Variants in PRKN observed in about 807,000 individuals in gnomAD.
PRKN encodes parkin RBR E3 ubiquitin protein ligase.
PRKN carries 56 observed loss-of-function variants against 59.5 expected under a neutral mutation model. That is an observed-to-expected ratio of 0.94 (90% CI 0.76 to 1.18). The LOEUF is 1.18. PRKN is among the 50% of genes most tolerant of loss of function. The pLI, the probability that PRKN is intolerant of heterozygous loss-of-function variation, is 0.00. For synonymous variants in PRKN, 250 were observed against 222.1 expected (o/e 1.13, Z -1.12); for missense variants, 657 against 596.4 (o/e 1.10, Z -1.06).
In PRKN at chr6:161,475,822, T is replaced by C. The variant is rs1296184972; in HGVS notation, c.1083+73032A>G. Among the ~76,000 whole-genome samples the C allele has an allele frequency of 6.6e-6, 1 of 152,164 alleles. No individual in the cohort carries two copies. Among genetic ancestry groups the C allele is most frequent in the Non-Finnish European group, 1.5e-5 (1 of 68,028 alleles). ...ATAAAGAAACACATATTAAAAACCATGAATTTCTTTTTATTACTCTGATAA... is the reference window on the plus strand; with the variant it reads ...ATAAAGAAACACATATTAAAAACCACGAATTTCTTTTTATTACTCTGATAA... On this transcript the variant is annotated intron_variant, in intron 9 of 11. Coordinates refer to ENST00000366898, the MANE Select transcript of PRKN (RefSeq NM_004562.3). This position sits in a 1 kb window ranked among gnomAD's most constrained non-coding sequence, Gnocchi z 5.3.
chr6:161,531,274 G>A (rs1033148726), intron 9 of PRKN, among the ~76,000 whole-genome samples: 13 of 151,828 alleles, frequency 8.6e-5, no homozygotes, highest in Non-Finnish European at 1.8e-4. Context: ...CCAGCTACTC[G>A]GGAGGCTGAG....
At chr6:161,948,126 C>T (rs935446297) in intron 6 of PRKN, among the ~76,000 whole-genome samples, 1 of 152,146 alleles carries the variant, frequency 6.6e-6, no homozygotes, top group African/African-American at 2.4e-5. Flanking sequence ...GCTGGGATTA[C>T]AGGCACGTGC....
chr6:162,441,198 A>C (rs1035798782), intron 2 of PRKN, among the ~76,000 whole-genome samples: 1 of 151,786 alleles, frequency 6.6e-6, no homozygotes, highest in Admixed American at 6.6e-5. Flanking sequence ...CCCCAACCAA[A>C]CCGGGTCTTC....
intron 9 of PRKN, among the ~76,000 whole-genome samples, chr6:161,425,427 A>G (rs1371468307): frequency 1.3e-5 from 2 of 152,190 alleles, no homozygotes; most frequent in Admixed American, 1.3e-4. Flanking sequence ...GTCTACCAGC[A>G]ACCCTTCAGA....
chr6:162,694,236 C>CGAAA, intron 1 of PRKN, among the ~76,000 whole-genome samples: 1 of 93,516 alleles, frequency 1.1e-5, no homozygotes, highest in Non-Finnish European at 2.0e-5. Flanking sequence ...AACAGTGAGA[C>CGAAA]AAAAAAAAAA....
At position 161,797,290 on chromosome 6, in the gene PRKN, C is replaced by A. The variant is rs919858692; in HGVS notation, c.735-11382G>T. On this transcript the variant is annotated intron_variant, in intron 6 of 11. Transcript: ENST00000366898. ...TTTTTGAGACAGAGTCTCACTCGGT[C>A]ACCCAGGCTGGAGTGCAGTGGCACG... Among the ~76,000 whole-genome samples, 10 of 152,242 alleles carry A rather than the reference C, an allele frequency of 6.6e-5. 1 individual carries two copies. The highest frequency in any genetic ancestry group is 6.5e-4 in the Admixed American group (10 of 15,282).
At chr6:161,683,591 T>C (rs1465018095) in intron 7 of PRKN, among the ~76,000 whole-genome samples, 1 of 152,186 alleles carries the variant, frequency 6.6e-6, no homozygotes, top group African/African-American at 2.4e-5. Flanking sequence ...GGGCAGCACC[T>C]GAACGCTTGT....
At chr6:161,903,244 C>CA (rs1778005116) in intron 6 of PRKN, among the ~76,000 whole-genome samples, 1 of 141,370 alleles carries the variant, frequency 7.1e-6, no homozygotes, top group Non-Finnish European at 1.5e-5. Flanking sequence ...AGTCTGTACT[C>CA]AGTGAGGAGA....
At chr6:162,132,809 G>A (rs919899205) in intron 4 of PRKN, among the ~76,000 whole-genome samples, 4 of 152,070 alleles carry the variant, frequency 2.6e-5, no homozygotes, top group South Asian at 2.1e-4. Flanking sequence ...GTGGGATGGC[G>A]GGTTATAAGA....
At chr6:161,434,955 G>A (rs534973239) in intron 9 of PRKN, among the ~76,000 whole-genome samples, 7 of 152,248 alleles carry the variant, frequency 4.6e-5, no homozygotes, top group African/African-American at 1.7e-4. Flanking sequence ...AGAGTTCCTG[G>A]GAAGAAGCCC....
At chr6:162,337,301 T>G (rs1015994213) in intron 2 of PRKN, among the ~76,000 whole-genome samples, 1 of 152,126 alleles carries the variant, frequency 6.6e-6, no homozygotes, top group East Asian at 1.9e-4. Flanking sequence ...ACCTCCCCCA[T>G]CCTCACATAA....
chr6:161,937,425 A>G (rs956390007), intron 6 of PRKN, among the ~76,000 whole-genome samples: 1 of 152,240 alleles, frequency 6.6e-6, no homozygotes, highest in African/African-American at 2.4e-5. Flanking sequence ...ATTTAACAAC[A>G]GCTTTTAAGT....
chr6:162,713,717 T>C (rs1021347382), intron 1 of PRKN, among the ~76,000 whole-genome samples: 3 of 152,076 alleles, frequency 2.0e-5, no homozygotes, highest in African/African-American at 7.2e-5. Flanking sequence ...AAAATATTTG[T>C]CTGTTAGCTA....
intron 7 of PRKN, among the ~76,000 whole-genome samples, chr6:161,616,469 C>T (rs866637901): frequency 6.6e-6 from 1 of 150,520 alleles, no homozygotes; most frequent in South Asian, 2.1e-4. Flanking sequence ...CATGCAGGTT[C>T]GTTACATAGA....
chr6:162,098,909 A>G (rs1258313587), intron 4 of PRKN, among the ~76,000 whole-genome samples: 3 of 152,142 alleles, frequency 2.0e-5, no homozygotes, highest in South Asian at 4.1e-4. Flanking sequence ...GTGGAATGAG[A>G]TGTGGACTTG....
chr6:162,182,606 C>CA (rs1783845573), intron 4 of PRKN, among the ~76,000 whole-genome samples: 2 of 152,222 alleles, frequency 1.3e-5, no homozygotes, highest in Admixed American at 1.3e-4. Context: ...AAGTTACTAC[C>CA]ACTCAGCCAG....
At chr6:161,973,499 C>G (rs894892195) in intron 5 of PRKN, 82 bp from the exon 6 acceptor site, 1 of 778,418 alleles carries the variant, frequency 1.3e-6, no homozygotes, top group Non-Finnish European at 2.3e-6. Flanking sequence ...TAAACAATCT[C>G]TTTGGACAAG....
At chr6:162,650,417 T>A (rs1287717611) in intron 1 of PRKN, among the ~76,000 whole-genome samples, 1 of 151,128 alleles carries the variant, frequency 6.6e-6, no homozygotes, top group Non-Finnish European at 1.5e-5. Context: ...CTAAAAACGG[T>A]GAAACCCCGT....
intron 2 of PRKN, among the ~76,000 whole-genome samples, chr6:162,323,596 T>G (rs1410268221): frequency 6.6e-6 from 1 of 151,938 alleles, no homozygotes; most frequent in African/African-American, 2.4e-5. Context: ...AGAAAAAGAT[T>G]TAAACAAACA....
Sources: gnomAD v4.1 joint callset for allele counts (sites outside exome capture counted in the v4.1 genomes callset) on GRCh38, gnomAD v4.1.1 for gene constraint, Gnocchi (gnomAD v3.1) non-coding constraint, MANE v1.5 for transcripts, NCBI Gene and HGNC (gene_info 2026-07-23, HGNC 2026-07-21) for gene names.